Variants in SVOPL observed in about 807,000 individuals in gnomAD.
SVOPL encodes putative transporter SVOPL.
In SVOPL, 60 loss-of-function variants were observed where a neutral mutation model predicts 61.0. That is an observed-to-expected ratio of 0.98 (90% confidence interval 0.80 to 1.22). SVOPL has a LOEUF of 1.22. SVOPL is among the 50% of genes most tolerant of loss of function. SVOPL has a pLI of 0.00. For synonymous variants in SVOPL, 279 were observed against 250.0 expected, an observed-to-expected ratio of 1.12 and a Z score of -1.09; for missense variants, 662 against 643.9, an observed-to-expected ratio of 1.03 and a Z score of -0.30.
In SVOPL at chr7:138,672,138, T is replaced by C. The variant is rs1218814907; in HGVS notation, c.175-21A>G. 3 of 1,549,158 alleles carry C rather than the reference T, an allele frequency of 1.9e-6. No individual in the cohort carries two copies. The Admixed American group carries it at 5.9e-5, about 30-fold the overall frequency. ...ACCACCTTAAAGAAGAGGGACACCA[T>C]GCCATGTCTAAGTGCCAGCTTGTCA... On this transcript the variant is annotated intron_variant, in intron 3 of 15. Transcript: ENST00000674285.
intron 6 of SVOPL, among the ~76,000 whole-genome samples, chr7:138,657,135 TTTATTTATTTA>T (rs1801783501): frequency 4.2e-5 from 1 of 23,674 alleles, no homozygotes; most frequent in African/African-American, 3.7e-4. Flanking sequence ...TTCTTATTTG[TTTATTTATTTA>T]TTTATTTATT....
intron 6 of SVOPL, among the ~76,000 whole-genome samples, chr7:138,659,560 G>T (rs549335031): frequency 1.5e-4 from 23 of 151,480 alleles, no homozygotes; most frequent in African/African-American, 5.6e-4. Context: ...CCTTTGAGTT[G>T]TCCTGCCCTT....
intron 14 of SVOPL, among the ~76,000 whole-genome samples, chr7:138,608,370 A>T (rs926512039): frequency 6.6e-6 from 1 of 152,260 alleles, no homozygotes; most frequent in African/African-American, 2.4e-5. Flanking sequence ...AAAAGCAGAC[A>T]GATCAATGGA....
chr7:138,630,249 C>CTGAGTGG, intron 9 of SVOPL, 127 bp from the exon 10 acceptor site: 1 of 722,586 alleles, frequency 1.4e-6, no homozygotes. Flanking sequence ...AACCACTCAG[C>CTGAGTGG]TCCTATGAGT....
intron 12 of SVOPL, 69 bp downstream of exon 12, chr7:138,627,281 A>C (rs546812430): frequency 8.4e-7 from 1 of 1,186,928 alleles, no homozygotes; most frequent in African/African-American, 1.5e-5. Context: ...AAACTACTGA[A>C]CACCATGGGT....
At chr7:138,622,302 C>CTATG (rs1799703141) in intron 13 of SVOPL, among the ~76,000 whole-genome samples, 3 of 129,698 alleles carry the variant, frequency 2.3e-5, no homozygotes, top group Admixed American at 7.8e-5. Flanking sequence ...ATCTATCTAT[C>CTATG]TATCTATCTA....
At chr7:138,662,991 T>C (rs1802064478) in intron 5 of SVOPL, 83 bp downstream of exon 5, 2 of 1,598,608 alleles carry the variant, frequency 1.3e-6, no homozygotes, top group Admixed American at 1.8e-5. Context: ...GGGAGATGCC[T>C]ACTAAAGAGA....
At chr7:138,601,183 C>T (rs907676423) in intron 14 of SVOPL, among the ~76,000 whole-genome samples, 2 of 144,092 alleles carry the variant, frequency 1.4e-5, no homozygotes, top group East Asian at 2.0e-4. Flanking sequence ...ATTCGGGAGG[C>T]GGAGCTTGCA....
intron 14 of SVOPL, among the ~76,000 whole-genome samples, chr7:138,604,178 G>A (rs1374406168): frequency 6.6e-6 from 1 of 151,610 alleles, no homozygotes; most frequent in East Asian, 1.9e-4. Context: ...TGCTCAGGCT[G>A]GTCTCAGACT....
At position 138,596,518 on chromosome 7, in the gene SVOPL, C is replaced by A; in HGVS notation, c.1366G>T (p.Ala456Ser). ...APFISQVLMS[A>S]SILGALCLFS... Reference sequence around the variant, plus strand: ...AGACACAGGGCCCCCAGTATTGATGCACTCATAAGAACCTGCAAGTCACAA... The same window carrying A: ...AGACACAGGGCCCCCAGTATTGATGAACTCATAAGAACCTGCAAGTCACAA... Residue 456 changes from alanine (A) to serine (S), a missense_variant, in exon 15 of 16, where the codon GCA becomes TCA. By Grantham distance (99) the Ala-to-Ser change is moderately conservative. Transcript: ENST00000674285. The A allele has an allele frequency of 6.2e-7, 1 of 1,613,582 alleles. No individual in the cohort carries two copies. Among genetic ancestry groups the A allele is most frequent in the Non-Finnish European group, 8.5e-7 (1 of 1,179,702 alleles).
At chr7:138,696,036 C>A (rs186866053) in intron 1 of SVOPL, among the ~76,000 whole-genome samples, 140 of 152,260 alleles carry the variant, frequency 9.2e-4, no homozygotes, top group Non-Finnish European at 1.8e-3. Context: ...CCCACCTTGG[C>A]CTCCCAAAGT....
At position 138,633,547 on chromosome 7, in the gene SVOPL, G is replaced by A. The variant is rs189836846; in HGVS notation, c.790-3425C>T. Among the ~76,000 whole-genome samples the A allele has an allele frequency of 6.5e-4, 99 of 151,486 alleles. 1 individual carries two copies. The highest frequency in any genetic ancestry group is 3.8e-3 in the Admixed American group (57 of 15,058). On this transcript the variant is annotated intron_variant, in intron 9 of 15. Transcript: ENST00000674285. ...CAGAAGCCACGCAGATGCTGGTGCC[G>A]TGATTGTACAGTCTGCAGAACCATG... is the stretch of plus-strand genomic sequence containing the variant.
At chr7:138,626,201 G>A (rs778408081) in intron 12 of SVOPL, 151 bp from the exon 13 acceptor site, 12 of 703,354 alleles carry the variant, frequency 1.7e-5, no homozygotes, top group Non-Finnish European at 2.8e-5. Flanking sequence ...GCCTGATTGT[G>A]GGGTCCTTAA....
At chr7:138,669,378 A>C (rs537522477) in intron 4 of SVOPL, among the ~76,000 whole-genome samples, 2 of 152,262 alleles carry the variant, frequency 1.3e-5, no homozygotes, top group East Asian at 3.9e-4. Context: ...ACCACACTCC[A>C]GCCCGGGCAA....
At chr7:138,663,284 T>TCTTG in intron 4 of SVOPL, 139 bp from the exon 5 acceptor site, 2 of 1,488,330 alleles carry the variant, frequency 1.3e-6, no homozygotes, top group Non-Finnish European at 1.8e-6. Context: ...TTCACGTTGG[T>TCTTG]CTTGCTTGCC....
Position 138,626,070 on chromosome 7 carries a change from G to C in SVOPL, c.1182-20C>G. On this transcript the variant is annotated intron_variant, in intron 12 of 15. Transcript: ENST00000674285. ...CCGGCACTAGAAAACAGGAAGCGGA[G>C]AGAAATTATAAAAGGCAGCATGGAG... The C allele has an allele frequency of 1.9e-6, 3 of 1,613,452 alleles. No individual in the cohort carries two copies. The highest frequency in any genetic ancestry group is 2.5e-6 in the Non-Finnish European group (3 of 1,179,722).
chr7:138,641,496 C>A (rs1423374450), intron 9 of SVOPL, among the ~76,000 whole-genome samples: 1 of 151,606 alleles, frequency 6.6e-6, no homozygotes, highest in Non-Finnish European at 1.5e-5. Flanking sequence ...CATGGCGAAA[C>A]CCCATCTCTA....
intron 13 of SVOPL, among the ~76,000 whole-genome samples, chr7:138,622,258 CT>C (rs1799691905): frequency 1.1e-5 from 1 of 87,550 alleles, no homozygotes; most frequent in South Asian, 3.8e-4. Flanking sequence ...ATCTATGTAT[CT>C]ATCTATCTAT....
At chr7:138,683,921 G>A (rs933719604) in intron 1 of SVOPL, among the ~76,000 whole-genome samples, 3 of 151,520 alleles carry the variant, frequency 2.0e-5, no homozygotes, top group African/African-American at 7.3e-5. Flanking sequence ...GTGTGGTGGT[G>A]TATGCCTGTA....
Sources: gnomAD v4.1 joint callset for allele counts (sites outside exome capture counted in the v4.1 genomes callset) on GRCh38, gnomAD v4.1.1 for gene constraint, MANE v1.5 for transcripts, NCBI Gene and HGNC (gene_info 2026-07-23, HGNC 2026-07-21) for gene names.